The following NELL1 variants were observed in gnomAD, a reference collection of about 807,000 sequenced individuals.
NELL1 encodes the protein protein kinase C-binding protein NELL1.
In NELL1, 76 loss-of-function variants were observed where a neutral mutation model predicts 107.4. The observed-to-expected ratio is 0.71, with a 90% confidence interval of 0.59 to 0.86. The LOEUF (loss-of-function observed/expected upper bound fraction) is 0.86, where lower values mean the gene tolerates loss of function less well. NELL1 is among the 40% of genes least tolerant of loss of function. NELL1 has a pLI of 0.00. For missense variants in NELL1, 1,024 were observed against 1,005.5 expected (o/e 1.02, Z -0.25); for synonymous variants, 353 against 341.2 (o/e 1.03, Z -0.38).
intron 3 of NELL1, among the ~76,000 whole-genome samples, chr11:20,785,477 A>G (rs192449598): frequency 2.1e-3 from 325 of 152,334 alleles, no homozygotes; most frequent in South Asian, 0.017. Flanking sequence ...ACCTTGCCCT[A>G]TTGGCCTTGT....
intron 13 of NELL1, among the ~76,000 whole-genome samples, chr11:21,212,028 G>A (rs1857508770): frequency 6.6e-6 from 1 of 152,044 alleles, no homozygotes. Flanking sequence ...GTTTCACCAT[G>A]TTGGCCAGGC....
chr11:20,941,092 T>C (rs1242040631), intron 10 of NELL1, among the ~76,000 whole-genome samples: 1 of 152,102 alleles, frequency 6.6e-6, no homozygotes, highest in Non-Finnish European at 1.5e-5. Flanking sequence ...TGAGCTGAGA[T>C]TGTGCCACTG....
At chr11:20,960,768 A>G (rs1340604476) in intron 12 of NELL1, among the ~76,000 whole-genome samples, 2 of 152,214 alleles carry the variant, frequency 1.3e-5, no homozygotes, top group Non-Finnish European at 2.9e-5. Flanking sequence ...GAAGGTCGTT[A>G]TGAAGCACGG....
chr11:20,729,170 C>T (rs1022479441), intron 2 of NELL1, among the ~76,000 whole-genome samples: 2 of 151,802 alleles, frequency 1.3e-5, no homozygotes, highest in African/African-American at 4.8e-5. Flanking sequence ...GTCATGAAAG[C>T]TTGCTGAAAC....
chr11:20,848,875 G>A (rs1314775295), intron 4 of NELL1, among the ~76,000 whole-genome samples: 1 of 152,154 alleles, frequency 6.6e-6, no homozygotes, highest in African/African-American at 2.4e-5. Context: ...GGTGAGTCTT[G>A]GTCCATTTTG....
chr11:21,089,400 A>C (rs760186889), intron 12 of NELL1, among the ~76,000 whole-genome samples: 14 of 152,208 alleles, frequency 9.2e-5, no homozygotes, highest in Non-Finnish European at 1.9e-4. Context: ...AAGGAAAAAT[A>C]ATTGTGGATG....
At chr11:21,537,535 C>A (rs577220992) in intron 16 of NELL1, among the ~76,000 whole-genome samples, 1 of 152,198 alleles carries the variant, frequency 6.6e-6, no homozygotes, top group Non-Finnish European at 1.5e-5. Context: ...CCCTCCCTGG[C>A]TTTTCTCTGA....
At chr11:20,868,053 G>A (rs758869048) in intron 4 of NELL1, among the ~76,000 whole-genome samples, 30 of 152,156 alleles carry the variant, frequency 2.0e-4, no homozygotes, top group South Asian at 2.1e-4. Flanking sequence ...AGTGTGTCAG[G>A]GGTTTACATA....
At chr11:21,065,924 A>G (rs1455195813) in intron 12 of NELL1, among the ~76,000 whole-genome samples, 1 of 152,148 alleles carries the variant, frequency 6.6e-6, no homozygotes, top group African/African-American at 2.4e-5. Flanking sequence ...ATTTATAAAT[A>G]CTTGTTCCTT....
chr11:20,895,461 A>T (rs1216443743), intron 5 of NELL1, among the ~76,000 whole-genome samples: 3 of 144,282 alleles, frequency 2.1e-5, no homozygotes, highest in African/African-American at 7.6e-5. Flanking sequence ...GTGTATTCAA[A>T]TTTTTTAGCT....
At chr11:21,319,131 A>G (rs993799413) in intron 14 of NELL1, among the ~76,000 whole-genome samples, 4 of 146,642 alleles carry the variant, frequency 2.7e-5, no homozygotes, top group Non-Finnish European at 4.5e-5. Context: ...TCTCAGCAAT[A>G]TGTGTGTGTG....
chr11:21,076,182 G>T (rs375220375), intron 12 of NELL1, among the ~76,000 whole-genome samples: 1 of 152,206 alleles, frequency 6.6e-6, no homozygotes, highest in East Asian at 1.9e-4. Flanking sequence ...CAGGCTCAAC[G>T]CCTTCAGTGT....
At chr11:21,362,889 G>A (rs1851113629) in intron 14 of NELL1, among the ~76,000 whole-genome samples, 1 of 152,116 alleles carries the variant, frequency 6.6e-6, no homozygotes, top group Admixed American at 6.5e-5. Flanking sequence ...TGGTCCTCAG[G>A]TCAATGGGGT....
intron 6 of NELL1, among the ~76,000 whole-genome samples, chr11:20,919,019 G>A (rs990494167): frequency 2.0e-5 from 3 of 151,600 alleles, no homozygotes; most frequent in African/African-American, 4.8e-5. Context: ...AAAATGTCAT[G>A]TTGCCTTTCT....
chr11:20,979,742 T>C (rs1044744184), intron 12 of NELL1, among the ~76,000 whole-genome samples: 1 of 152,170 alleles, frequency 6.6e-6, no homozygotes, highest in Non-Finnish European at 1.5e-5. Context: ...TCTTGGTGAC[T>C]AGGAATACTC....
At chr11:21,081,029 C>G (rs1403244467) in intron 12 of NELL1, among the ~76,000 whole-genome samples, 4 of 152,006 alleles carry the variant, frequency 2.6e-5, no homozygotes, top group Non-Finnish European at 4.4e-5. Context: ...TATGACCTTT[C>G]AAGTCATTTT....
intron 16 of NELL1, among the ~76,000 whole-genome samples, chr11:21,558,488 A>G (rs1418289439): frequency 1.3e-5 from 2 of 152,066 alleles, no homozygotes; most frequent in African/African-American, 2.4e-5. Flanking sequence ...GTTATTAACT[A>G]CAGTCATCAT....
At chr11:21,053,956 T>C (rs76943781) in intron 12 of NELL1, among the ~76,000 whole-genome samples, 3,415 of 152,258 alleles carry the variant, frequency 0.022, 112 homozygotes, top group African/African-American at 0.077. Flanking sequence ...ACTTAGTTTT[T>C]TTCCCCATTC....
At chr11:21,532,604 A>G (rs190858958) in intron 15 of NELL1, among the ~76,000 whole-genome samples, 7 of 152,314 alleles carry the variant, frequency 4.6e-5, no homozygotes, top group African/African-American at 1.7e-4. Flanking sequence ...GCTATTACCT[A>G]AAGTATTGTC....
Sources: allele counts gnomAD v4.1 joint callset (sites outside exome capture counted in the v4.1 genomes callset), GRCh38; gene constraint gnomAD v4.1.1; transcripts MANE v1.5; gene names NCBI Gene and HGNC (gene_info 2026-07-23, HGNC 2026-07-21).